PRORP: variants seen among roughly 807,000 people sequenced by gnomAD.
PRORP encodes protein only RNase P catalytic subunit, also known as mitochondrial ribonuclease P catalytic subunit.
PRORP carries 51 observed loss-of-function variants against 59.4 expected under a neutral mutation model. The observed-to-expected ratio is 0.86, with a 90% confidence interval of 0.69 to 1.08. The LOEUF (loss-of-function observed/expected upper bound fraction) is 1.08, where lower values mean the gene tolerates loss of function less well. Ranked by LOEUF, PRORP falls within the 50% of genes least tolerant of loss-of-function variation. The probability of loss-of-function intolerance (pLI) is 0.00; values close to 1 mark genes in which losing one functional copy is unlikely to be tolerated. For synonymous variants in PRORP, 231 were observed against 245.6 expected (o/e 0.94, Z 0.55); for missense variants, 646 against 690.3 (o/e 0.94, Z 0.72).
chr14:35,231,356 C>T (rs7143346), intron 5 of PRORP, among the ~76,000 whole-genome samples: 123,948 of 152,190 alleles, frequency 0.81, 50,533 homozygotes, highest in Admixed American at 0.85. Flanking sequence ...TTATTTTTCA[C>T]GCTTCTCAAC....
intron 4 of PRORP, among the ~76,000 whole-genome samples, chr14:35,164,882 AAATAAAATAGGGAGACC>A (rs1406851891): frequency 6.6e-6 from 1 of 152,186 alleles, no homozygotes; most frequent in South Asian, 2.1e-4. Context: ...GTATCTCCTT[AAATAAAATAGGGAGACC>A]ACATCAAAGA....
Position 35,277,341 on chromosome 14 carries a change from C to T in PRORP, c.*3775C>T, listed in dbSNP as rs185976627. 9.2e-5 allele frequency: 14 copies of T among 152,354 alleles called. No individual in the cohort carries two copies. The highest frequency in any genetic ancestry group is 3.4e-4 in the African/African-American group (14 of 41,534). 9.4% of individuals were successfully genotyped at this position (152,354 alleles called of 1,614,324 possible). ...CCGCACAGCCTGAAATGAGGCATCT[C>T]TATCTATAGTCCAGCAGCCCTACAG... is the stretch of plus-strand genomic sequence containing the variant. On this transcript the variant is annotated 3_prime_UTR_variant, in exon 8 of 8. Coordinates refer to ENST00000534898, the MANE Select transcript of PRORP (RefSeq NM_014672.4).
intron 5 of PRORP, among the ~76,000 whole-genome samples, chr14:35,224,114 TTA>T (rs1185063546): frequency 6.6e-6 from 1 of 152,220 alleles, no homozygotes; most frequent in Non-Finnish European, 1.5e-5. Context: ...GGCATACTGT[TTA>T]TCTTTTAGCT....
chr14:35,256,074 A>G (rs2050744481), intron 5 of PRORP, among the ~76,000 whole-genome samples: 1 of 151,750 alleles, frequency 6.6e-6, no homozygotes, highest in Admixed American at 6.6e-5. Context: ...TCACGAGGTC[A>G]GGAGTTTGAG....
intron 5 of PRORP, among the ~76,000 whole-genome samples, chr14:35,241,796 A>G (rs949662172): frequency 6.6e-6 from 1 of 152,096 alleles, no homozygotes; most frequent in Non-Finnish European, 1.5e-5. Context: ...TATTCTCTCA[A>G]CATACCGTAA....
chr14:35,230,159 T>A (rs1296954622), intron 5 of PRORP, among the ~76,000 whole-genome samples: 1 of 151,474 alleles, frequency 6.6e-6, no homozygotes, highest in East Asian at 1.9e-4. Context: ...TTCAAGCAAT[T>A]CTCCTGCCTC....
At chr14:35,226,650 T>C (rs562442358) in intron 5 of PRORP, among the ~76,000 whole-genome samples, 11 of 152,216 alleles carry the variant, frequency 7.2e-5, no homozygotes, top group Non-Finnish European at 1.5e-4. Flanking sequence ...GTGGCAACTT[T>C]ACTGTGACGA....
intron 5 of PRORP, among the ~76,000 whole-genome samples, chr14:35,215,112 C>G (rs1465198102): frequency 6.6e-6 from 1 of 151,926 alleles, no homozygotes; most frequent in East Asian, 1.9e-4. Context: ...CTTCGGTGGT[C>G]TCTTTTCCTG....
In PRORP at chr14:35,123,406, A is replaced by G. The variant is rs138792278; in HGVS notation, c.161A>G (p.Gln54Arg). Residue 54 changes from glutamine (Q) to arginine (R), a missense_variant, in exon 2 of 8, where the codon CAG (glutamine) becomes CGG (arginine). Physicochemically the swap from Gln to Arg is conservative, Grantham distance 43. Transcript: ENST00000534898. Reference sequence around the variant, plus strand: ...TTTTCTCTTAAAACAATGTCTCCACAGAATACCAAAGCAACGAATCTGATT... The same window carrying G: ...TTTTCTCTTAAAACAATGTCTCCACGGAATACCAAAGCAACGAATCTGATT... ...RLFSLKTMSP[Q>R]NTKATNLIAK... 39 of 1,614,112 alleles carry G rather than the reference A, an allele frequency of 2.4e-5. No individual in the cohort carries two copies. The African/African-American group carries it at 4.4e-4, about 18-fold the overall frequency.
intron 5 of PRORP, among the ~76,000 whole-genome samples, chr14:35,230,652 GTGAAACC>G (rs953299457): frequency 5.9e-5 from 9 of 152,134 alleles, no homozygotes; most frequent in Non-Finnish European, 8.8e-5. Context: ...TTTCAAGTTA[GTGAAACC>G]TGGTGATTCT....
chr14:35,122,801 TTGG>T (rs2046963552), intron 1 of PRORP, 148 bp from the exon 2 acceptor site: 1 of 171,028 alleles, frequency 5.8e-6, no homozygotes, highest in Admixed American at 5.4e-5. Context: ...TTCGCCGCTG[TTGG>T]TGGTAGGCTG....
At chr14:35,149,300 G>A (rs923162657) in intron 4 of PRORP, among the ~76,000 whole-genome samples, 1 of 151,372 alleles carries the variant, frequency 6.6e-6, no homozygotes, top group Non-Finnish European at 1.5e-5. Context: ...CTGGGGCCTC[G>A]AACTCCTGTG....
At chr14:35,122,780 A>G (rs2046963060) in intron 1 of PRORP, 145 bp downstream of exon 1, 1 of 172,006 alleles carries the variant, frequency 5.8e-6, no homozygotes, top group South Asian at 1.2e-4. Flanking sequence ...GAGGGCCCCT[A>G]GACTTCGGCT....
intron 4 of PRORP, among the ~76,000 whole-genome samples, chr14:35,172,944 T>C (rs189889031): frequency 3.9e-5 from 6 of 151,916 alleles, no homozygotes; most frequent in Non-Finnish European, 7.4e-5. Flanking sequence ...CTTGGCTCAC[T>C]GCAACCTTCA....
At chr14:35,251,173 T>C (rs1392019146) in intron 5 of PRORP, among the ~76,000 whole-genome samples, 1 of 152,206 alleles carries the variant, frequency 6.6e-6, no homozygotes, top group Non-Finnish European at 1.5e-5. Flanking sequence ...TCCAGTTTCA[T>C]CCAGGTCGCT....
intron 5 of PRORP, among the ~76,000 whole-genome samples, chr14:35,254,579 A>T (rs113201843): frequency 6.6e-6 from 1 of 152,006 alleles, no homozygotes; most frequent in Non-Finnish European, 1.5e-5. Context: ...TTTAGTAGAG[A>T]TGAGGTTTCT....
intron 4 of PRORP, among the ~76,000 whole-genome samples, chr14:35,144,987 G>C (rs2047570188): frequency 6.9e-6 from 1 of 145,160 alleles, no homozygotes; most frequent in African/African-American, 2.4e-5. Flanking sequence ...TAGTTCTTTT[G>C]TTTGTTTTAA....
At chr14:35,173,922 T>C (rs1336249202) in intron 4 of PRORP, among the ~76,000 whole-genome samples, 6 of 152,018 alleles carry the variant, frequency 3.9e-5, no homozygotes, top group Admixed American at 3.9e-4. Flanking sequence ...TGATGCTAGC[T>C]GGCTGTTGGC....
intron 4 of PRORP, among the ~76,000 whole-genome samples, chr14:35,156,595 C>A (rs1595205941): frequency 6.6e-6 from 1 of 152,136 alleles, no homozygotes; most frequent in Non-Finnish European, 1.5e-5. Flanking sequence ...TGATTCTTTG[C>A]AAGCTGACTG....
Sources: allele counts gnomAD v4.1 joint callset (sites outside exome capture counted in the v4.1 genomes callset), GRCh38; gene constraint gnomAD v4.1.1; transcripts MANE v1.5; gene names NCBI Gene and HGNC (gene_info 2026-07-23, HGNC 2026-07-21).